Variants in FHIT observed in about 807,000 individuals in gnomAD.
The protein encoded by FHIT is fragile histidine triad diadenosine triphosphatase, also known as bis(5'-adenosyl)-triphosphatase.
Under a neutral mutation model 17.9 loss-of-function variants are expected in FHIT, and 19 were observed. The ratio of observed to expected loss-of-function variants is 1.06; its 90% CI spans 0.74 to 1.56. FHIT has a LOEUF of 1.56. Among genes scored for constraint, FHIT ranks in the 40% most tolerant of loss-of-function variants. The probability of loss-of-function intolerance (pLI) is 0.00; values close to 1 mark genes in which losing one functional copy is unlikely to be tolerated. For synonymous variants in FHIT, 81 were observed against 69.7 expected (o/e 1.16, Z -0.81); for missense variants, 248 against 189.2 (o/e 1.31, Z -1.82).
At chr3:60,471,612 A>T (rs2033092375) in intron 5 of FHIT, among the ~76,000 whole-genome samples, 1 of 152,200 alleles carries the variant, frequency 6.6e-6, no homozygotes, top group Non-Finnish European at 1.5e-5. Flanking sequence ...TCAACCATTC[A>T]AGACTGTCTT....
At chr3:60,888,839 C>T (rs1705355387) in intron 3 of FHIT, among the ~76,000 whole-genome samples, 1 of 152,124 alleles carries the variant, frequency 6.6e-6, no homozygotes, top group Admixed American at 6.5e-5. Flanking sequence ...ATAATATAGA[C>T]AGATCTTTTG....
At chr3:60,227,079 G>C (rs770308036) in intron 5 of FHIT, among the ~76,000 whole-genome samples, 3 of 151,988 alleles carry the variant, frequency 2.0e-5, no homozygotes, top group Non-Finnish European at 4.4e-5. Flanking sequence ...TTGTATAATG[G>C]AACAAAGCCA....
rs185573547 is a variant in FHIT at position 60,567,351 on chromosome 3, G to T, written c.-17-30372C>A. Among the ~76,000 whole-genome samples the T allele has an allele frequency of 4.4e-3, 677 of 152,186 alleles. 3 individuals carry two copies. The highest frequency in any genetic ancestry group is 7.2e-3 in the Non-Finnish European group (490 of 67,992). On this transcript the variant is annotated intron_variant, in intron 4 of 9. Transcript: ENST00000492590. ...CTTTGACAAACCTGACAAAAGAAACGGGGAAAGGATTCTCTATTTAATAAA... is the reference window on the plus strand; with the variant it reads ...CTTTGACAAACCTGACAAAAGAAACTGGGAAAGGATTCTCTATTTAATAAA...
intron 5 of FHIT, among the ~76,000 whole-genome samples, chr3:60,475,546 G>A (rs892394876): frequency 6.6e-6 from 1 of 152,180 alleles, no homozygotes. Flanking sequence ...TGTAGGCACT[G>A]GAGGGGCTAC....
At chr3:61,085,951 G>A (rs1559969774) in intron 2 of FHIT, among the ~76,000 whole-genome samples, 1 of 152,018 alleles carries the variant, frequency 6.6e-6, no homozygotes, top group Admixed American at 6.5e-5. Flanking sequence ...GTAATTCTTT[G>A]TTCTGGTACG....
chr3:59,975,044 T>G (rs1369189697), intron 7 of FHIT, among the ~76,000 whole-genome samples: 1 of 152,106 alleles, frequency 6.6e-6, no homozygotes, highest in Non-Finnish European at 1.5e-5. Context: ...CTTATTTTTT[T>G]GTGGGCCCTC....
chr3:59,901,358 T>C (rs914290642), intron 8 of FHIT, among the ~76,000 whole-genome samples: 1 of 152,224 alleles, frequency 6.6e-6, no homozygotes, highest in Admixed American at 6.5e-5. Context: ...AAGGTAAGTA[T>C]GCCAATCTCG....
At chr3:61,005,724 T>C (rs2031401887) in intron 3 of FHIT, among the ~76,000 whole-genome samples, 1 of 151,974 alleles carries the variant, frequency 6.6e-6, no homozygotes, top group African/African-American at 2.4e-5. Context: ...AACGCAATAA[T>C]TATATATGTG....
chr3:59,854,633 T>C (rs1355066659), intron 8 of FHIT, among the ~76,000 whole-genome samples: 1 of 152,188 alleles, frequency 6.6e-6, no homozygotes, highest in Non-Finnish European at 1.5e-5. Context: ...CTCACAATTT[T>C]GTGATTTTTA....
rs181981694 is a variant in FHIT at position 60,666,408 on chromosome 3, T to C, written c.-17-129429A>G. On this transcript the variant is annotated intron_variant, in intron 4 of 9. Coordinates refer to ENST00000492590, the MANE Select transcript of FHIT (RefSeq NM_002012.4). ...TAATTCTTTCAGTACTTGAAAAATA[T>C]TGTGGCATTTCCTTCTCATCTCCAT... Among the ~76,000 whole-genome samples the C allele has an allele frequency of 7.5e-4, 115 of 152,344 alleles. 1 individual carries two copies. The highest frequency in any genetic ancestry group is 2.7e-3 in the African/African-American group (111 of 41,578).
rs1025833880 is a variant in FHIT, at chr3:60,875,312, G to C, written c.-110-53301C>G. Among the ~76,000 whole-genome samples, 7 of 152,018 alleles carry C rather than the reference G, an allele frequency of 4.6e-5. No homozygotes were observed. The South Asian group carries it at 8.3e-4, about 18-fold the overall frequency. On this transcript the variant is annotated intron_variant, in intron 3 of 9. Transcript: ENST00000492590. ...ATCCTAGAATTCTACCCACCTCTTG[G>C]GCTACCCTGTTACAATGTGTGACTG...
Position 60,977,237 on chromosome 3 carries a change from A to C in FHIT, c.-111+64810T>G, listed in dbSNP as rs538873608. 5.3e-5 allele frequency among the ~76,000 whole-genome samples: 8 copies of C among 152,326 alleles called. No individual in the cohort carries two copies. The East Asian group carries it at 1.4e-3, about 26-fold the overall frequency. On this transcript the variant is annotated intron_variant, in intron 3 of 9. Transcript: ENST00000492590. ...ACTGTTGCTGGAAGCGGAAGCAAATAGTTCTCAGAGCTGAGAGTGAACCTG... is the reference window on the plus strand; with the variant it reads ...ACTGTTGCTGGAAGCGGAAGCAAATCGTTCTCAGAGCTGAGAGTGAACCTG...
At chr3:60,215,784 C>A (rs888108087) in intron 5 of FHIT, among the ~76,000 whole-genome samples, 7 of 152,118 alleles carry the variant, frequency 4.6e-5, no homozygotes. Context: ...TTACTCTTCC[C>A]TTCCGTACAC....
chr3:61,048,006 T>A (rs941632688), intron 2 of FHIT, among the ~76,000 whole-genome samples: 9 of 151,310 alleles, frequency 5.9e-5, no homozygotes, highest in Non-Finnish European at 1.0e-4. Flanking sequence ...ATGTTAGACC[T>A]AAAACCATAA....
chr3:60,975,110 A>G (rs1221724316), intron 3 of FHIT, among the ~76,000 whole-genome samples: 1 of 152,198 alleles, frequency 6.6e-6, no homozygotes, highest in Admixed American at 6.5e-5. Context: ...TTGTCCTTCA[A>G]GTGGACACGA....
rs1281567026 is a variant in FHIT at position 60,019,415 on chromosome 3, C to CTTT, written c.104-5266_104-5264dup. Among the ~76,000 whole-genome samples the CTTT allele has an allele frequency of 1.2e-4, 15 of 121,088 alleles. 2 individuals carry two copies. Among genetic ancestry groups the CTTT allele is most frequent in the African/African-American group, 1.5e-4 (5 of 32,542 alleles). 79.4% of individuals were successfully genotyped at this position (121,088 alleles called of 152,430 possible). On this transcript the variant is annotated intron_variant, in intron 5 of 9. Coordinates refer to ENST00000492590, the MANE Select transcript of FHIT (RefSeq NM_002012.4). Reference sequence around the variant, plus strand: ...ATGGCATTTTAGAGTTGAGATGCTCCTTTTTTTTTTTTTTTTTCCTGAGAT... The same window carrying CTTT: ...ATGGCATTTTAGAGTTGAGATGCTCCTTTTTTTTTTTTTTTTTTTTCCTGAGAT...
At chr3:61,137,154 G>A (rs542641436) in intron 2 of FHIT, among the ~76,000 whole-genome samples, 5 of 151,828 alleles carry the variant, frequency 3.3e-5, no homozygotes, top group African/African-American at 1.2e-4. Context: ...CAGACTCTTT[G>A]TGGCACAGTC....
At chr3:60,219,856 G>C (rs569336019) in intron 5 of FHIT, among the ~76,000 whole-genome samples, 1 of 152,210 alleles carries the variant, frequency 6.6e-6, no homozygotes, top group Non-Finnish European at 1.5e-5. Context: ...ATCCTAAAGA[G>C]GATAAAAATT....
chr3:59,761,848 G>A (rs1265647188), intron 8 of FHIT, among the ~76,000 whole-genome samples: 3 of 152,006 alleles, frequency 2.0e-5, no homozygotes, highest in Non-Finnish European at 2.9e-5. Flanking sequence ...TGCCCGCCTC[G>A]GCCTCCCAAA....
Sources: allele counts gnomAD v4.1 joint callset (sites outside exome capture counted in the v4.1 genomes callset), GRCh38; gene constraint gnomAD v4.1.1; transcripts MANE v1.5; gene names NCBI Gene and HGNC (gene_info 2026-07-23, HGNC 2026-07-21).